Variants in NEDD9 observed in about 807,000 individuals in gnomAD.
The protein encoded by NEDD9 is enhancer of filamentation 1.
In NEDD9, 26 loss-of-function variants were observed where a neutral mutation model predicts 76.6. The ratio of observed to expected loss-of-function variants is 0.34; its 90% CI spans 0.25 to 0.47. NEDD9 has a LOEUF of 0.47. Ranked by LOEUF, NEDD9 falls within the 20% of genes least tolerant of loss-of-function variation. The pLI, the probability that NEDD9 is intolerant of heterozygous loss-of-function variation, is 1.00. For synonymous variants in NEDD9, 392 were observed against 414.2 expected, an observed-to-expected ratio of 0.95 and a Z score of 0.65; for missense variants, 937 against 1,058.5, an observed-to-expected ratio of 0.89 and a Z score of 1.59.
chr6:11,268,644 C>T (rs1287181531), intron 3 of NEDD9, among the ~76,000 whole-genome samples: 3 of 152,004 alleles, frequency 2.0e-5, no homozygotes, highest in Non-Finnish European at 4.4e-5. Context: ...AGGAGAATCA[C>T]TTGAACCCAG....
intron 2 of NEDD9, among the ~76,000 whole-genome samples, chr6:11,310,378 C>T (rs895771775): frequency 2.6e-5 from 4 of 152,120 alleles, no homozygotes; most frequent in Admixed American, 1.3e-4. Context: ...TATGCTCAAC[C>T]TCCTTGCCGT....
chr6:11,307,394 A>G (rs945474794), intron 2 of NEDD9, among the ~76,000 whole-genome samples: 1 of 152,190 alleles, frequency 6.6e-6, no homozygotes, highest in African/African-American at 2.4e-5. Context: ...AAGGGGACAC[A>G]GGCCCATGAC....
intron 2 of NEDD9, among the ~76,000 whole-genome samples, chr6:11,330,003 A>G (rs528850231): frequency 2.4e-3 from 359 of 152,348 alleles, no homozygotes; most frequent in Middle Eastern, 0.01. Context: ...AATGATCAGT[A>G]TCTGTGCTGT....
At chr6:11,258,670 T>A (rs926726885) in intron 3 of NEDD9, 4 of 152,122 alleles carry the variant, frequency 2.6e-5, no homozygotes, top group Non-Finnish European at 4.4e-5. Flanking sequence ...TTCAAGTGAG[T>A]GTGAAGCTGA....
chr6:11,193,164 A>G (rs1383624467), intron 3 of NEDD9, among the ~76,000 whole-genome samples: 1 of 145,784 alleles, frequency 6.9e-6, no homozygotes, highest in Non-Finnish European at 1.5e-5. Context: ...TTAGTCAGGT[A>G]TGGTGGTGTG....
At chr6:11,337,416 T>A (rs149155103) in intron 1 of NEDD9, among the ~76,000 whole-genome samples, 1 of 152,210 alleles carries the variant, frequency 6.6e-6, no homozygotes, top group Non-Finnish European at 1.5e-5. Context: ...TGTACACAAT[T>A]ATATGTTGTG....
chr6:11,211,325 T>C (rs1758784679), intron 2 of NEDD9, among the ~76,000 whole-genome samples: 1 of 152,218 alleles, frequency 6.6e-6, no homozygotes, highest in Admixed American at 6.5e-5. Flanking sequence ...GGAAGAAGTC[T>C]GAAGGCTTAG....
At chr6:11,366,448 GA>G (rs1324075185) in intron 1 of NEDD9, among the ~76,000 whole-genome samples, 1 of 151,754 alleles carries the variant, frequency 6.6e-6, no homozygotes, top group Non-Finnish European at 1.5e-5. Flanking sequence ...AAAGAAAAAA[GA>G]AAGAAAGAGA....
chr6:11,304,002 A>G (rs1382365926), intron 3 of NEDD9, among the ~76,000 whole-genome samples: 1 of 152,234 alleles, frequency 6.6e-6, no homozygotes, highest in Non-Finnish European at 1.5e-5. Context: ...AAAAGAAACT[A>G]CCATCAGAGT....
intron 2 of NEDD9, among the ~76,000 whole-genome samples, chr6:11,206,276 G>A (rs941027946): frequency 4.1e-4 from 63 of 151,904 alleles, no homozygotes; most frequent in African/African-American, 1.3e-3. Flanking sequence ...AAAATTAGCC[G>A]GGCAAGGTGG....
At chr6:11,306,230 T>A (rs1184938323) in intron 2 of NEDD9, 4 of 581,034 alleles carry the variant, frequency 6.9e-6, no homozygotes, top group Non-Finnish European at 1.2e-5. Context: ...CATTTAAGGG[T>A]TGCATCATAG....
Position 11,300,569 on chromosome 6 carries a change from A to G in NEDD9, c.12+5423T>C, listed in dbSNP as rs1761021241. Among the ~76,000 whole-genome samples the G allele has an allele frequency of 1.3e-5, 2 of 152,224 alleles. 1 individual carries two copies. The stretch of plus-strand genomic sequence containing the variant: ...CCCAAGACACATAATTGTCAGATTC[A>G]CCAAGGTTGAAATGAAAGAAAAAAT... On this transcript the variant is annotated intron_variant, in intron 3 of 3. Coordinates refer to the NEDD9 transcript ENST00000397378.
chr6:11,215,618 A>G (rs185238241), intron 1 of NEDD9, among the ~76,000 whole-genome samples: 12 of 152,302 alleles, frequency 7.9e-5, no homozygotes, highest in Admixed American at 3.3e-4. Context: ...CCTCCAGGAA[A>G]TGACTCCACC....
chr6:11,319,316 C>T (rs1761683671), intron 2 of NEDD9, among the ~76,000 whole-genome samples: 1 of 152,178 alleles, frequency 6.6e-6, no homozygotes, highest in Admixed American at 6.5e-5. Flanking sequence ...GCATCCTGTG[C>T]ACTCACACTC....
intron 3 of NEDD9, among the ~76,000 whole-genome samples, chr6:11,282,505 C>T (rs1760555602): frequency 6.6e-6 from 1 of 152,228 alleles, no homozygotes; most frequent in Non-Finnish European, 1.5e-5. Context: ...AACATGAACC[C>T]TGGATATCTC....
chr6:11,272,743 G>A (rs1178995546), intron 3 of NEDD9, among the ~76,000 whole-genome samples: 1 of 152,194 alleles, frequency 6.6e-6, no homozygotes, highest in Non-Finnish European at 1.5e-5. Flanking sequence ...TCTCCAAGGT[G>A]CAGAAAGAAA....
chr6:11,318,699 A>G (rs1761655040), intron 2 of NEDD9, among the ~76,000 whole-genome samples: 1 of 152,170 alleles, frequency 6.6e-6, no homozygotes, highest in Admixed American at 6.5e-5. Context: ...AAAAAAAACA[A>G]CAGAAAACAG....
intron 2 of NEDD9, among the ~76,000 whole-genome samples, chr6:11,205,752 A>G (rs975030805): frequency 6.6e-6 from 1 of 151,918 alleles, no homozygotes; most frequent in African/African-American, 2.4e-5. Flanking sequence ...TCAGCCTCCG[A>G]AGTAACTCGG....
intron 1 of NEDD9, among the ~76,000 whole-genome samples, chr6:11,343,098 A>G (rs1362199704): frequency 6.6e-6 from 1 of 151,702 alleles, no homozygotes; most frequent in Non-Finnish European, 1.5e-5. Context: ...AAGATAAATT[A>G]CACCATGGTA....
Sources: gnomAD v4.1 joint callset for allele counts (sites outside exome capture counted in the v4.1 genomes callset) on GRCh38, gnomAD v4.1.1 for gene constraint, MANE v1.5 for transcripts, NCBI Gene and HGNC (gene_info 2026-07-23, HGNC 2026-07-21) for gene names.